PCMT1: variants seen among roughly 807,000 people sequenced by gnomAD.
PCMT1 encodes protein-L-isoaspartate(D-aspartate) O-methyltransferase.
Under a neutral mutation model 29.2 loss-of-function variants are expected in PCMT1, and 9 were observed. The observed-to-expected ratio is 0.31, with a 90% CI of 0.19 to 0.54. The LOEUF is 0.54. PCMT1 is among the 20% of genes least tolerant of loss of function. PCMT1 has a pLI of 0.95. For missense variants in PCMT1, 184 were observed against 282.2 expected, an observed-to-expected ratio of 0.65 and a Z score of 2.49; for synonymous variants, 98 against 97.5, an observed-to-expected ratio of 1.00 and a Z score of -0.03.
chr6:149,798,332 G>A (rs1788697677), intron 6 of PCMT1, among the ~76,000 whole-genome samples: 1 of 152,156 alleles, frequency 6.6e-6, no homozygotes, highest in Non-Finnish European at 1.5e-5. Context: ...ATAACCTAGA[G>A]TGAACAGTTA....
At chr6:149,749,990 G>A (rs375099410) in intron 1 of PCMT1, 34 bp downstream of exon 1, 48 of 1,589,148 alleles carry the variant, frequency 3.0e-5, no homozygotes, top group Non-Finnish European at 4.0e-5. Flanking sequence ...TAGGGCAGCT[G>A]GGGCAGGCTG....
chr6:149,773,645 C>T (rs920798543), intron 3 of PCMT1, among the ~76,000 whole-genome samples: 1 of 152,180 alleles, frequency 6.6e-6, no homozygotes, highest in African/African-American at 2.4e-5. Flanking sequence ...TCCCAAAGTG[C>T]TGGGATTACA....
Position 149,763,727 on chromosome 6 carries a change from C to T in PCMT1, c.56-7435C>T, listed in dbSNP as rs550351635. Among the ~76,000 whole-genome samples, 9 of 152,126 alleles carry T rather than the reference C, an allele frequency of 5.9e-5. No individual in the cohort carries two copies. The East Asian group carries it at 1.7e-3, about 29-fold the overall frequency. On this transcript the variant is annotated intron_variant, in intron 1 of 7. Transcript: ENST00000464889. Reference sequence around the variant, plus strand: ...GTATCCATCTAGAGAAGAATGAATACAGTGAATATGATGATGGTTTCAAAA... The same window carrying T: ...GTATCCATCTAGAGAAGAATGAATATAGTGAATATGATGATGGTTTCAAAA...
chr6:149,787,277 G>A (rs975756132), intron 3 of PCMT1, among the ~76,000 whole-genome samples: 22 of 148,018 alleles, frequency 1.5e-4, no homozygotes, highest in African/African-American at 5.2e-4. Context: ...GGAAAGAGAG[G>A]GAGACCGTGG....
At chr6:149,786,427 T>C (rs1583039322) in intron 3 of PCMT1, among the ~76,000 whole-genome samples, 1 of 125,370 alleles carries the variant, frequency 8.0e-6, no homozygotes, top group African/African-American at 3.2e-5. Flanking sequence ...ACCCCCCACC[T>C]CCCTCCCGGA....
intron 3 of PCMT1, among the ~76,000 whole-genome samples, chr6:149,778,833 C>T (rs892532400): frequency 4.6e-5 from 7 of 152,026 alleles, no homozygotes; most frequent in Admixed American, 6.6e-5. Context: ...GCCACTGGGC[C>T]GGGCTTTCTT....
chr6:149,783,529 G>A (rs890747891), intron 3 of PCMT1, among the ~76,000 whole-genome samples: 2 of 152,154 alleles, frequency 1.3e-5, no homozygotes, highest in Non-Finnish European at 2.9e-5. Flanking sequence ...ATGTCCGGTG[G>A]TGTGGTGGTC....
chr6:149,773,269 C>A, intron 3 of PCMT1, 100 bp downstream of exon 3: 4 of 925,868 alleles, frequency 4.3e-6, no homozygotes, highest in Non-Finnish European at 6.9e-6. Context: ...ATCAATTTAT[C>A]ATCTATGAGT....
chr6:149,763,183 TATG>T (rs1461778886), intron 1 of PCMT1, among the ~76,000 whole-genome samples: 3 of 70,214 alleles, frequency 4.3e-5, no homozygotes, highest in Non-Finnish European at 6.5e-5. Context: ...GATATATATC[TATG>T]ATATCTATGA....
intron 1 of PCMT1, chr6:149,765,650 TTTTTTTATTTTTTA>T (rs530765425): frequency 5.9e-4 from 222 of 375,900 alleles, no homozygotes; most frequent in Non-Finnish European, 6.5e-4. Flanking sequence ...ATTGACCTTA[TTTTTTTATTTTTTA>T]TTTTTTATTT....
chr6:149,792,622 C>A (rs1788417288), intron 4 of PCMT1, among the ~76,000 whole-genome samples: 1 of 152,046 alleles, frequency 6.6e-6, no homozygotes, highest in Admixed American at 6.5e-5. Flanking sequence ...AAGTGATCCT[C>A]ACACCACATC....
chr6:149,785,558 TC>T (rs1787998913), intron 3 of PCMT1, among the ~76,000 whole-genome samples: 1 of 152,052 alleles, frequency 6.6e-6, no homozygotes, highest in Admixed American at 6.5e-5. Context: ...CCTGAGGCCT[TC>T]CGCAGTGTTT....
At chr6:149,793,693 A>T in intron 5 of PCMT1, 24 bp downstream of exon 5, 1 of 1,522,386 alleles carries the variant, frequency 6.6e-7, no homozygotes, top group South Asian at 1.4e-5. Context: ...AACTTTAAAA[A>T]TTTCTTCAGA....
chr6:149,787,866 G>A (rs961727455), intron 3 of PCMT1, among the ~76,000 whole-genome samples: 3 of 151,308 alleles, frequency 2.0e-5, no homozygotes, highest in East Asian at 1.9e-4. Flanking sequence ...TTATATTTCC[G>A]TTTTTCTGAG....
chr6:149,760,086 T>A (rs1786676428), intron 1 of PCMT1, among the ~76,000 whole-genome samples: 1 of 152,158 alleles, frequency 6.6e-6, no homozygotes, highest in African/African-American at 2.4e-5. Context: ...TCAGATCCAA[T>A]CCATTCTACA....
At chr6:149,757,850 G>T (rs1030684981) in intron 1 of PCMT1, among the ~76,000 whole-genome samples, 9 of 151,742 alleles carry the variant, frequency 5.9e-5, no homozygotes, top group East Asian at 5.8e-4. Context: ...TTCCCCAGTG[G>T]TCCCTTGTAC....
intron 3 of PCMT1, among the ~76,000 whole-genome samples, chr6:149,777,068 A>C (rs1787600358): frequency 6.6e-6 from 1 of 152,356 alleles, no homozygotes; most frequent in Admixed American, 6.5e-5. Flanking sequence ...ATTACAGTAC[A>C]GATGCTCCTT....
intron 7 of PCMT1, among the ~76,000 whole-genome samples, chr6:149,802,745 G>A (rs985133150): frequency 1.6e-4 from 24 of 151,876 alleles, no homozygotes; most frequent in African/African-American, 5.6e-4. Context: ...GATGGGCATG[G>A]AAACAATGAG....
chr6:149,791,843 T>C (rs1788384776), intron 4 of PCMT1, among the ~76,000 whole-genome samples: 1 of 152,226 alleles, frequency 6.6e-6, no homozygotes, highest in Non-Finnish European at 1.5e-5. Flanking sequence ...TTTTAAAAAA[T>C]CATTTGGTTT....
Sources: allele counts gnomAD v4.1 joint callset (sites outside exome capture counted in the v4.1 genomes callset), GRCh38; gene constraint gnomAD v4.1.1; transcripts MANE v1.5; gene names NCBI Gene and HGNC (gene_info 2026-07-23, HGNC 2026-07-21).